Variants in CFAP90 observed in about 807,000 individuals in gnomAD.
CFAP90 encodes cilia- and flagella-associated protein 90.
At chr5:7,832,349 C>T in the CFAP90 span, among the ~76,000 whole-genome samples, 1 of 152,176 alleles carries the variant, frequency 6.6e-6, no homozygotes, top group Non-Finnish European at 1.5e-5. Flanking sequence ...CCCTTCCCAC[C>T]ACCCAGATCC....
At chr5:7,841,945 C>A in the CFAP90 span, among the ~76,000 whole-genome samples, 1 of 151,922 alleles carries the variant, frequency 6.6e-6, no homozygotes, top group Non-Finnish European at 1.5e-5. Flanking sequence ...ACGTATGTAA[C>A]AAACCTACAT....
At chr5:7,840,671 G>A in the CFAP90 span, among the ~76,000 whole-genome samples, 3 of 152,150 alleles carry the variant, frequency 2.0e-5, 1 homozygote, top group Admixed American at 1.3e-4. Context: ...CAGCTGACTT[G>A]TGTCCTCCAA....
chr5:7,840,893 C>T, the CFAP90 span, among the ~76,000 whole-genome samples: 9 of 152,014 alleles, frequency 5.9e-5, no homozygotes, highest in East Asian at 1.2e-3. Context: ...AGAAGATGGC[C>T]GTCAACAAGC....
the CFAP90 span, among the ~76,000 whole-genome samples, chr5:7,834,549 TA>T: frequency 6.6e-6 from 1 of 152,136 alleles, no homozygotes; most frequent in Non-Finnish European, 1.5e-5. Flanking sequence ...TAGTGTACAG[TA>T]ATGTCCTAGG....
At chr5:7,849,746 G>T in the CFAP90 span, among the ~76,000 whole-genome samples, 1 of 152,172 alleles carries the variant, frequency 6.6e-6, no homozygotes, top group African/African-American at 2.4e-5. Context: ...ACAGAACAGA[G>T]GGACCACTCT....
chr5:7,849,242 G>A, the CFAP90 span, among the ~76,000 whole-genome samples: 10 of 152,222 alleles, frequency 6.6e-5, no homozygotes, highest in African/African-American at 2.4e-4. Context: ...GGCTGTCCAA[G>A]AGTGCTTACA....
At chr5:7,844,276 C>T in the CFAP90 span, among the ~76,000 whole-genome samples, 581 of 152,250 alleles carry the variant, frequency 3.8e-3, 3 homozygotes, top group Non-Finnish European at 4.3e-3. Context: ...ATTGACGATA[C>T]CAGAGGAGGA....
the CFAP90 span, among the ~76,000 whole-genome samples, chr5:7,846,489 T>G: frequency 6.6e-6 from 1 of 152,168 alleles, no homozygotes; most frequent in East Asian, 1.9e-4. Context: ...CATTGTGTCC[T>G]CACATGCTGG....
the CFAP90 span, among the ~76,000 whole-genome samples, chr5:7,844,039 C>T: frequency 6.6e-6 from 1 of 152,184 alleles, no homozygotes; most frequent in Non-Finnish European, 1.5e-5. Flanking sequence ...AAGGTCTCCA[C>T]TAGAACATGC....
At chr5:7,841,116 G>T in the CFAP90 span, among the ~76,000 whole-genome samples, 2 of 151,924 alleles carry the variant, frequency 1.3e-5, no homozygotes, top group Non-Finnish European at 2.9e-5. Context: ...CTAATATCCA[G>T]CATCTACAAG....
the CFAP90 span, among the ~76,000 whole-genome samples, chr5:7,846,280 T>A: frequency 1.3e-5 from 2 of 152,188 alleles, no homozygotes; most frequent in African/African-American, 4.8e-5. Context: ...GTACACACAC[T>A]ACTGTGTGTC....
chr5:7,850,898 T>A, the CFAP90 span: 5 of 1,355,508 alleles, frequency 3.7e-6, no homozygotes, highest in Non-Finnish European at 2.9e-6. Flanking sequence ...TAGTAGTAGC[T>A]GTGCTCTTTG....
chr5:7,831,828 C>A, the CFAP90 span: 17 of 1,599,258 alleles, frequency 1.1e-5, no homozygotes, highest in Non-Finnish European at 1.5e-5. Flanking sequence ...ATCGGACATG[C>A]CCTGTGGGCC....
At chr5:7,834,937 A>T in the CFAP90 span, among the ~76,000 whole-genome samples, 1 of 152,142 alleles carries the variant, frequency 6.6e-6, no homozygotes, top group East Asian at 1.9e-4. Flanking sequence ...ATGACTGTAC[A>T]TACACCCCGC....
the CFAP90 span, chr5:7,835,324 C>A: frequency 1.1e-6 from 1 of 899,602 alleles, no homozygotes; most frequent in African/African-American, 1.7e-5. Flanking sequence ...ACTAGATATG[C>A]CTCTATAAAG....
At chr5:7,848,337 CT>C in the CFAP90 span, among the ~76,000 whole-genome samples, 1 of 152,054 alleles carries the variant, frequency 6.6e-6, no homozygotes, top group Non-Finnish European at 1.5e-5. Flanking sequence ...CCTTTTCCCC[CT>C]GTCCTTGCAT....
chr5:7,835,450 A>T, the CFAP90 span: 1 of 1,606,300 alleles, frequency 6.2e-7, no homozygotes, highest in Non-Finnish European at 8.5e-7. Context: ...TTCTGATCAT[A>T]ATCTAGGCGC....
chr5:7,833,547 G>T, the CFAP90 span, among the ~76,000 whole-genome samples: 1 of 151,258 alleles, frequency 6.6e-6, no homozygotes, highest in Admixed American at 6.6e-5. Context: ...ATACACACAG[G>T]TACACATATT....
chr5:7,836,405 G>T, the CFAP90 span, among the ~76,000 whole-genome samples: 6 of 152,084 alleles, frequency 3.9e-5, no homozygotes, highest in Non-Finnish European at 5.9e-5. Flanking sequence ...CCTTCTGAAG[G>T]TTGCCTGAAA....
Sources: gnomAD v4.1 joint callset for allele counts (sites outside exome capture counted in the v4.1 genomes callset) on GRCh38, gnomAD v4.1.1 for gene constraint, MANE v1.5 for transcripts, NCBI Gene and HGNC (gene_info 2026-07-23, HGNC 2026-07-21) for gene names.